CCL25: variants seen among roughly 807,000 people sequenced by gnomAD.
CCL25 encodes the protein C-C motif chemokine ligand 25.
In CCL25, 14 loss-of-function variants were observed where a neutral mutation model predicts 19.9. The observed-to-expected ratio is 0.70, with a 90% CI of 0.47 to 1.10. The LOEUF is 1.10. Among genes scored for constraint, CCL25 ranks in the 50% least tolerant of loss-of-function variants. The probability of loss-of-function intolerance (pLI) is 0.00; values close to 1 mark genes in which losing one functional copy is unlikely to be tolerated. For missense variants in CCL25, 151 were observed against 181.2 expected, an observed-to-expected ratio of 0.83 and a Z score of 0.96; for synonymous variants, 68 against 73.2, an observed-to-expected ratio of 0.93 and a Z score of 0.36.
At chr19:8,059,117 A>G (rs1367579423) in intron 5 of CCL25, among the ~76,000 whole-genome samples, 1 of 109,478 alleles carries the variant, frequency 9.1e-6, no homozygotes, top group Non-Finnish European at 1.7e-5. Flanking sequence ...TATATAATAT[A>G]TAAATATATA....
At chr19:8,058,482 A>AAAT (rs1325582138) in intron 5 of CCL25, among the ~76,000 whole-genome samples, 25 of 110,468 alleles carry the variant, frequency 2.3e-4, no homozygotes, top group Admixed American at 3.8e-4. Context: ...TATAATATAT[A>AAAT]AATATATAAT....
intron 3 of CCL25, 38 bp downstream of exon 3, chr19:8,056,307 C>G (rs777202720): frequency 4.4e-6 from 7 of 1,603,956 alleles, no homozygotes; most frequent in Non-Finnish European, 6.0e-6. Context: ...GTGGGGTGCA[C>G]ACACAGCCTT....
At chr19:8,058,905 G>A (rs979463975) in intron 5 of CCL25, among the ~76,000 whole-genome samples, 4 of 139,716 alleles carry the variant, frequency 2.9e-5, no homozygotes, top group African/African-American at 1.1e-4. Context: ...TGACCCACCC[G>A]CCTTGGCCTC....
intron 5 of CCL25, among the ~76,000 whole-genome samples, chr19:8,059,159 TAATATATA>T (rs1169569255): frequency 4.9e-4 from 16 of 32,768 alleles, no homozygotes; most frequent in Non-Finnish European, 6.7e-4. Flanking sequence ...ATAATATATA[TAATATATA>T]ATATATATAA....
chr19:8,054,484 T>TC (rs1425143449), intron 2 of CCL25, among the ~76,000 whole-genome samples: 1 of 152,160 alleles, frequency 6.6e-6, no homozygotes, highest in Non-Finnish European at 1.5e-5. Context: ...TGGGCTGGGC[T>TC]CTGCAGGGAC....
upstream of CCL25, among the ~76,000 whole-genome samples, chr19:8,052,365 T>C (rs2081238232): frequency 6.6e-6 from 1 of 151,704 alleles, no homozygotes; most frequent in Non-Finnish European, 1.5e-5. Context: ...TACCTAACCA[T>C]GGTGTGGAAG....
chr19:8,053,652 G>A (rs1188097726), intron 2 of CCL25, among the ~76,000 whole-genome samples: 2 of 151,098 alleles, frequency 1.3e-5, no homozygotes, highest in Admixed American at 6.6e-5. Flanking sequence ...GGGCTCAAGC[G>A]ATCCTTCTGC....
intron 4 of CCL25, among the ~76,000 whole-genome samples, chr19:8,056,798 G>T (rs182441023): frequency 1.4e-4 from 22 of 152,232 alleles, no homozygotes; most frequent in African/African-American, 4.3e-4. Flanking sequence ...TCCCACTTCA[G>T]ATTCCCCAAG....
At chr19:8,054,737 G>T (rs1017895700) in intron 2 of CCL25, among the ~76,000 whole-genome samples, 3 of 151,334 alleles carry the variant, frequency 2.0e-5, no homozygotes, top group African/African-American at 7.3e-5. Context: ...GGAGCTCCCT[G>T]AAGACAACAC....
At chr19:8,060,630 G>A (rs756754088) in intron 5 of CCL25, among the ~76,000 whole-genome samples, 1 of 151,576 alleles carries the variant, frequency 6.6e-6, no homozygotes. Context: ...ATAGCTCACC[G>A]CCTCAGCCTC....
At chr19:8,057,973 T>C in intron 5 of CCL25, 53 bp downstream of exon 5, 3 of 1,585,744 alleles carry the variant, frequency 1.9e-6, no homozygotes, top group African/African-American at 1.3e-5. Flanking sequence ...TTGCTGAGGG[T>C]TGAGGGCTCG....
intron 5 of CCL25, 128 bp from the exon 6 acceptor site, chr19:8,062,090 A>G: frequency 2.6e-6 from 2 of 783,396 alleles, no homozygotes; most frequent in Admixed American, 4.7e-5. Context: ...AGATTCTAGC[A>G]CTCCTATTAC....
chr19:8,053,055 C>T lies in CCL25; in HGVS notation c.6C>T (p.Asn2=), dbSNP rs1408696971. M[N]LWLLACLVAG... is the part of the protein sequence containing the mutation. Reference sequence around the variant, plus strand: ...GAGGAGGACCCGCCTGCAGCATGAACCTGTGGCTCCTGGCCTGCCTGGTGG... The same window carrying T: ...GAGGAGGACCCGCCTGCAGCATGAATCTGTGGCTCCTGGCCTGCCTGGTGG... Residue 2 remains asparagine (N), a synonymous_variant, in exon 2 of 6, where the codon AAC becomes AAT. Coordinates refer to ENST00000315626, the MANE Select transcript of CCL25 (RefSeq NM_005624.4). The T allele has an allele frequency of 1.9e-6, 3 of 1,551,306 alleles. No individual in the cohort carries two copies. The highest frequency in any genetic ancestry group is 3.9e-5 in the Admixed American group (2 of 51,156).
chr19:8,057,007 C>T (rs2145287942), intron 4 of CCL25, among the ~76,000 whole-genome samples: 1 of 152,106 alleles, frequency 6.6e-6, no homozygotes, highest in South Asian at 2.1e-4. Flanking sequence ...TAATCCAGCT[C>T]ATTGTTATTT....
chr19:8,058,983 TATATAAATATATA>T (rs1387370917), intron 5 of CCL25, among the ~76,000 whole-genome samples: 4 of 127,264 alleles, frequency 3.1e-5, no homozygotes, highest in East Asian at 4.2e-4. Flanking sequence ...ATAATATAAA[TATATAAATATATA>T]ATATAAATAT....
At chr19:8,061,613 C>T (rs770064083) in intron 5 of CCL25, among the ~76,000 whole-genome samples, 2 of 152,136 alleles carry the variant, frequency 1.3e-5, no homozygotes, top group Non-Finnish European at 2.9e-5. Flanking sequence ...CAAGAGTCAC[C>T]TCATTAGAAT....
At chr19:8,060,839 C>T (rs1351362567) in intron 5 of CCL25, among the ~76,000 whole-genome samples, 1 of 151,816 alleles carries the variant, frequency 6.6e-6, no homozygotes, top group Non-Finnish European at 1.5e-5. Flanking sequence ...CGCCACCACG[C>T]CTGGCTAATT....
intron 5 of CCL25, among the ~76,000 whole-genome samples, chr19:8,058,667 A>AT (rs200299220): frequency 3.1e-5 from 4 of 131,024 alleles, no homozygotes; most frequent in Admixed American, 9.7e-5. Context: ...ATTTATTATT[A>AT]TTTTTTTTTG....
intron 5 of CCL25, among the ~76,000 whole-genome samples, chr19:8,059,092 TA>T (rs1226926446): frequency 8.4e-5 from 8 of 95,742 alleles, no homozygotes; most frequent in South Asian, 2.9e-4. Context: ...ATAATATATA[TA>T]ATGTATATAT....
Sources: allele counts gnomAD v4.1 joint callset (sites outside exome capture counted in the v4.1 genomes callset), GRCh38; gene constraint gnomAD v4.1.1; transcripts MANE v1.5; gene names NCBI Gene and HGNC (gene_info 2026-07-23, HGNC 2026-07-21).